PLCL1: variants seen among roughly 807,000 people sequenced by gnomAD.
The protein encoded by PLCL1 is phospholipase C like 1 (inactive).
Under a neutral mutation model 84.4 loss-of-function variants are expected in PLCL1, and 41 were observed. The ratio of observed to expected loss-of-function variants is 0.49; its 90% CI spans 0.38 to 0.63. The LOEUF is 0.63. Among genes scored for constraint, PLCL1 ranks in the 30% least tolerant of loss-of-function variants. The probability of loss-of-function intolerance (pLI) is 0.00; values close to 1 mark genes in which losing one functional copy is unlikely to be tolerated. For synonymous variants in PLCL1, 490 were observed against 488.3 expected (o/e 1.00, Z -0.05); for missense variants, 1,206 against 1,367.8 (o/e 0.88, Z 1.87).
chr2:198,117,518 G>A (rs1693773282), intron 5 of PLCL1, among the ~76,000 whole-genome samples: 1 of 151,664 alleles, frequency 6.6e-6, no homozygotes, highest in Non-Finnish European at 1.5e-5. Flanking sequence ...CAGTCCTATA[G>A]ACACTTGAGA....
chr2:197,951,420 A>G (rs899734326), intron 1 of PLCL1, among the ~76,000 whole-genome samples: 5 of 152,064 alleles, frequency 3.3e-5, no homozygotes, highest in Non-Finnish European at 7.4e-5. Context: ...TGGGTACCTG[A>G]ATTAAGCTGG....
intron 5 of PLCL1, among the ~76,000 whole-genome samples, chr2:198,106,475 A>C (rs990385633): frequency 1.3e-5 from 2 of 151,926 alleles, no homozygotes; most frequent in African/African-American, 4.8e-5. Context: ...CTTAAGGAGC[A>C]GGGATGACCT....
intron 5 of PLCL1, among the ~76,000 whole-genome samples, chr2:198,138,589 G>A (rs1694311453): frequency 6.6e-6 from 1 of 152,064 alleles, no homozygotes; most frequent in South Asian, 2.1e-4. Flanking sequence ...CAGTACTTGA[G>A]TAAAAGGTAG....
At chr2:198,130,783 C>T (rs752522295) in intron 5 of PLCL1, among the ~76,000 whole-genome samples, 1 of 152,108 alleles carries the variant, frequency 6.6e-6, no homozygotes, top group Non-Finnish European at 1.5e-5. Flanking sequence ...CTTAATACCT[C>T]CCTAGGAAAC....
intron 1 of PLCL1, among the ~76,000 whole-genome samples, chr2:198,031,333 A>C: frequency 6.6e-6 from 1 of 151,840 alleles, no homozygotes; most frequent in East Asian, 1.9e-4. Context: ...ACAACACTGC[A>C]CTCTAGCCTG....
chr2:197,861,599 C>T (rs1490624110), intron 1 of PLCL1, among the ~76,000 whole-genome samples: 2 of 152,154 alleles, frequency 1.3e-5, no homozygotes, highest in Non-Finnish European at 2.9e-5. Flanking sequence ...CAATTGGCAT[C>T]AGAATGGTGG....
chr2:197,976,808 T>C (rs1447701199), intron 1 of PLCL1, among the ~76,000 whole-genome samples: 2 of 152,226 alleles, frequency 1.3e-5, no homozygotes, highest in African/African-American at 4.8e-5. Context: ...TCAGACCTGC[T>C]TGACATTTGA....
intron 1 of PLCL1, among the ~76,000 whole-genome samples, chr2:198,003,147 T>G (rs1438966493): frequency 6.6e-6 from 1 of 152,130 alleles, no homozygotes; most frequent in Non-Finnish European, 1.5e-5. Flanking sequence ...ATAAGAAAAC[T>G]TTAGCAATCA....
chr2:197,863,375 T>C (rs958497263), intron 1 of PLCL1, among the ~76,000 whole-genome samples: 2 of 152,148 alleles, frequency 1.3e-5, no homozygotes, highest in African/African-American at 4.8e-5. Flanking sequence ...CATCCATCAG[T>C]TATATAAAAT....
intron 1 of PLCL1, among the ~76,000 whole-genome samples, chr2:197,853,811 C>T (rs1687284446): frequency 6.6e-6 from 1 of 152,122 alleles, no homozygotes; most frequent in Non-Finnish European, 1.5e-5. Flanking sequence ...ATTGTACCTG[C>T]CACACTGAAT....
At chr2:197,857,033 G>A (rs147596886) in intron 1 of PLCL1, among the ~76,000 whole-genome samples, 132 of 152,168 alleles carry the variant, frequency 8.7e-4, no homozygotes, top group African/African-American at 3.0e-3. Flanking sequence ...TGGATGCTGG[G>A]CTTAATACCT....
chr2:198,091,316 T>G (rs944510849), intron 3 of PLCL1, among the ~76,000 whole-genome samples: 2 of 152,208 alleles, frequency 1.3e-5, no homozygotes, highest in African/African-American at 4.8e-5. Context: ...GCATCTTTAA[T>G]GCTCTTAGTG....
At chr2:198,121,661 C>T (rs1226289284) in intron 5 of PLCL1, among the ~76,000 whole-genome samples, 1 of 151,824 alleles carries the variant, frequency 6.6e-6, no homozygotes, top group Non-Finnish European at 1.5e-5. Context: ...TTCCATTGGT[C>T]GATATGTCTG....
At chr2:197,831,553 T>G (rs898395724) in intron 1 of PLCL1, among the ~76,000 whole-genome samples, 2 of 152,138 alleles carry the variant, frequency 1.3e-5, no homozygotes, top group African/African-American at 4.8e-5. Flanking sequence ...AGACTTAGAC[T>G]CCCACACAAT....
chr2:197,998,571 T>C (rs1690524444), intron 1 of PLCL1, among the ~76,000 whole-genome samples: 3 of 152,160 alleles, frequency 2.0e-5, no homozygotes. Flanking sequence ...GCCTCCTGTT[T>C]TTGAGGCAAC....
At chr2:197,883,548 G>C (rs1439873583) in intron 1 of PLCL1, among the ~76,000 whole-genome samples, 3 of 152,158 alleles carry the variant, frequency 2.0e-5, no homozygotes, top group Non-Finnish European at 4.4e-5. Context: ...TGTAAGGGAA[G>C]GTCCTGACTC....
At chr2:198,111,954 T>C (rs78341676) in intron 5 of PLCL1, among the ~76,000 whole-genome samples, 2,442 of 152,034 alleles carry the variant, frequency 0.016, 34 homozygotes, top group Non-Finnish European at 0.024. Context: ...TGACAGAATA[T>C]GCCTACTGTC....
chr2:197,844,984 T>G (rs1024909739), intron 1 of PLCL1, among the ~76,000 whole-genome samples: 1 of 152,078 alleles, frequency 6.6e-6, no homozygotes, highest in Non-Finnish European at 1.5e-5. Flanking sequence ...AACATATTAT[T>G]TATATATATT....
At chr2:197,960,492 AG>A (rs770306477) in intron 1 of PLCL1, among the ~76,000 whole-genome samples, 3 of 152,098 alleles carry the variant, frequency 2.0e-5, no homozygotes, top group Non-Finnish European at 2.9e-5. Flanking sequence ...AGAGATTGAG[AG>A]TAGCAACACA....
Sources: gnomAD v4.1 joint callset for allele counts (sites outside exome capture counted in the v4.1 genomes callset) on GRCh38, gnomAD v4.1.1 for gene constraint, MANE v1.5 for transcripts, NCBI Gene and HGNC (gene_info 2026-07-23, HGNC 2026-07-21) for gene names.